The following PRR11 variants were observed in gnomAD, a reference collection of about 807,000 sequenced individuals.
PRR11 encodes proline rich 11.
Under a neutral mutation model 45.6 loss-of-function variants are expected in PRR11, and 30 were observed. That is an observed-to-expected ratio of 0.66 (90% CI 0.49 to 0.89). The LOEUF (loss-of-function observed/expected upper bound fraction) is 0.89. Among genes scored for constraint, PRR11 ranks in the 40% least tolerant of loss-of-function variants. The pLI is 0.00. For missense variants in PRR11, 373 were observed against 424.8 expected (o/e 0.88, Z 1.07); for synonymous variants, 128 against 153.5 (o/e 0.83, Z 1.23).
chr17:59,182,938 C>G (rs2046796270), intron 2 of PRR11, among the ~76,000 whole-genome samples: 1 of 152,066 alleles, frequency 6.6e-6, no homozygotes, highest in Non-Finnish European at 1.5e-5. Flanking sequence ...CTGCTAGGAC[C>G]CAGAAGGTGT....
Position 59,197,677 on chromosome 17 carries a change from T to C in PRR11, c.918-16T>C, listed in dbSNP as rs185570092. ...GCCATAAAATACAGCTACTGTTATTTTCAATACCTTTGCAGGAGCCCAGGT... is the reference window on the plus strand; with the variant it reads ...GCCATAAAATACAGCTACTGTTATTCTCAATACCTTTGCAGGAGCCCAGGT... On this transcript the variant is annotated splice_polypyrimidine_tract_variant and intron_variant, in intron 8 of 9. Coordinates refer to ENST00000262293, the MANE Select transcript of PRR11 (RefSeq NM_018304.4). The C allele has an allele frequency of 6.2e-7, 1 of 1,613,066 alleles. No homozygotes were observed. Among genetic ancestry groups the C allele is most frequent in the African/African-American group, 1.3e-5 (1 of 75,004 alleles).
intron 1 of PRR11, among the ~76,000 whole-genome samples, chr17:59,168,157 T>C (rs993345189): frequency 2.0e-5 from 3 of 151,546 alleles, no homozygotes; most frequent in Non-Finnish European, 2.9e-5. Flanking sequence ...TATTTTATTT[T>C]ATTTTATTTT....
chr17:59,197,274 CAG>C (rs962212832), intron 7 of PRR11, among the ~76,000 whole-genome samples: 1 of 145,842 alleles, frequency 6.9e-6, no homozygotes, highest in Admixed American at 6.9e-5. Context: ...TTTTTGGAGA[CAG>C]AGTCTTGCTC....
chr17:59,194,880 T>A, intron 6 of PRR11, 25 bp downstream of exon 6: 1 of 1,570,896 alleles, frequency 6.4e-7, no homozygotes, highest in South Asian at 1.1e-5. Context: ...ACCACATACA[T>A]GCTCTTTTTG....
chr17:59,177,684 C>T (rs1889093103), intron 2 of PRR11, among the ~76,000 whole-genome samples: 1 of 152,068 alleles, frequency 6.6e-6, no homozygotes, highest in Non-Finnish European at 1.5e-5. Flanking sequence ...CAGCAAGAGA[C>T]CAGCAGAGTC....
chr17:59,170,561 C>A (rs1437735192), intron 2 of PRR11, among the ~76,000 whole-genome samples: 1 of 151,820 alleles, frequency 6.6e-6, no homozygotes, highest in African/African-American at 2.4e-5. Context: ...TTGGGATTGG[C>A]CTTCTCTTCT....
intron 2 of PRR11, among the ~76,000 whole-genome samples, chr17:59,182,363 G>T (rs1397062049): frequency 1.5e-5 from 2 of 136,812 alleles, no homozygotes; most frequent in African/African-American, 5.5e-5. Context: ...CCCTCCTCAG[G>T]TTCTCCTTCC....
chr17:59,192,445 C>T (rs1023826505), intron 4 of PRR11, among the ~76,000 whole-genome samples: 28 of 152,234 alleles, frequency 1.8e-4, no homozygotes, highest in Admixed American at 1.4e-3. Context: ...TTCATAGGGT[C>T]GTTGTATTTG....
At chr17:59,181,616 AG>A (rs2046787135) in intron 2 of PRR11, 2 of 1,441,548 alleles carry the variant, frequency 1.4e-6, no homozygotes, top group Admixed American at 3.4e-5. Context: ...TCCGCCACCC[AG>A]GTCTCCTCAG....
chr17:59,179,725 C>A (rs1826747690), intron 2 of PRR11: 9 of 1,422,422 alleles, frequency 6.3e-6, no homozygotes, highest in Non-Finnish European at 8.7e-6. Context: ...TCATCTTGAG[C>A]CCACACAGCG....
intron 2 of PRR11, among the ~76,000 whole-genome samples, chr17:59,182,433 C>A (rs2046793097): frequency 6.7e-6 from 1 of 149,352 alleles, no homozygotes; most frequent in Non-Finnish European, 1.5e-5. Context: ...ACTCTCTCAC[C>A]CAGACTGGAG....
intron 9 of PRR11, among the ~76,000 whole-genome samples, chr17:59,200,291 T>C (rs1436772322): frequency 6.6e-6 from 1 of 152,108 alleles, no homozygotes; most frequent in South Asian, 2.1e-4. Flanking sequence ...CTGACTATAG[T>C]GGTTTAATCA....
chr17:59,169,361 G>A (rs1007423928), intron 1 of PRR11, among the ~76,000 whole-genome samples: 1 of 152,040 alleles, frequency 6.6e-6, no homozygotes, highest in Non-Finnish European at 1.5e-5. Flanking sequence ...GCCTCCCAAA[G>A]TGCTGAGATT....
intron 2 of PRR11, chr17:59,181,616 A>G: frequency 6.9e-7 from 1 of 1,441,666 alleles, no homozygotes; most frequent in South Asian, 1.1e-5. Flanking sequence ...TCCGCCACCC[A>G]GGTCTCCTCA....
chr17:59,201,660 A>T lies in PRR11; in HGVS notation c.*29A>T. 4 of 1,606,362 alleles carry T rather than the reference A, an allele frequency of 2.5e-6. No homozygotes were observed. Among genetic ancestry groups the T allele is most frequent in the Non-Finnish European group, 3.4e-6 (4 of 1,173,736 alleles). On this transcript the variant is annotated 3_prime_UTR_variant, in exon 10 of 10. Transcript: ENST00000262293. ...CAACTCTGCCTCACTCCATGAGATG[A>T]TCCATAACAAATACAGATAAAAACA...
chr17:59,192,110 A>G (rs1011084392), intron 4 of PRR11, among the ~76,000 whole-genome samples: 2 of 152,184 alleles, frequency 1.3e-5, no homozygotes, highest in Admixed American at 6.5e-5. Flanking sequence ...TGGATTATCT[A>G]GGTGGACCCT....
intron 4 of PRR11, 61 bp downstream of exon 4, chr17:59,185,623 A>T: frequency 7.2e-7 from 1 of 1,398,116 alleles, no homozygotes; most frequent in African/African-American, 1.5e-5. Context: ...TTTTTTGAAA[A>T]GACTATTGCA....
intron 9 of PRR11, 33 bp downstream of exon 9, chr17:59,197,822 T>C: frequency 6.9e-6 from 11 of 1,588,964 alleles, no homozygotes; most frequent in Non-Finnish European, 9.5e-6. Context: ...TTGGTTCCTT[T>C]GCTTGAAAAT....
intron 1 of PRR11, 58 bp from the exon 2 acceptor site, chr17:59,169,690 T>C: frequency 7.2e-7 from 1 of 1,385,166 alleles, no homozygotes; most frequent in East Asian, 2.5e-5. Flanking sequence ...AAGATTTGTG[T>C]ACTTTCTATA....
Sources: allele counts gnomAD v4.1 joint callset (sites outside exome capture counted in the v4.1 genomes callset), GRCh38; gene constraint gnomAD v4.1.1; transcripts MANE v1.5; gene names NCBI Gene and HGNC (gene_info 2026-07-23, HGNC 2026-07-21).